The following NAA60 variants were observed in gnomAD, a reference collection of about 807,000 sequenced individuals.
The protein encoded by NAA60 is N-alpha-acetyltransferase 60.
In NAA60, 8 loss-of-function variants were observed where a neutral mutation model predicts 26.1. The ratio of observed to expected loss-of-function variants is 0.31; its 90% confidence interval spans 0.18 to 0.55. The LOEUF is 0.55. Among genes scored for constraint, NAA60 ranks in the 20% least tolerant of loss-of-function variants. The pLI is 0.93. For missense variants in NAA60, 290 were observed against 311.3 expected (o/e 0.93, Z 0.51); for synonymous variants, 131 against 122.5 (o/e 1.07, Z -0.46).
intron 2 of NAA60, among the ~76,000 whole-genome samples, chr16:3,470,682 G>A (rs58467053): frequency 0.082 from 12,503 of 152,198 alleles, 1,392 homozygotes; most frequent in African/African-American, 0.25. Context: ...GGGGGGGGCC[G>A]CTGGCCCTGC....
At chr16:3,445,574 C>G (rs925303036) in intron 1 of NAA60, among the ~76,000 whole-genome samples, 1 of 152,016 alleles carries the variant, frequency 6.6e-6, no homozygotes, top group African/African-American at 2.4e-5. Flanking sequence ...CGCGCCCCGC[C>G]TATTTAATGC....
Position 3,483,406 on chromosome 16 carries a change from C to A in NAA60, c.381C>A (p.Thr127=), listed in dbSNP as rs190797427. The A allele has an allele frequency of 1.1e-5, 17 of 1,613,656 alleles. No homozygotes were observed. The highest frequency in any genetic ancestry group is 1.4e-5 in the Non-Finnish European group (16 of 1,179,738). ...GTTTAAAGGATCACATATCAACCAC[C>A]GCCCAGGACCACTGCAAAGCCATTT... The part of the protein sequence containing the change: ...LESLKDHIST[T]AQDHCKAIYL... Residue 127 remains threonine (T), a synonymous_variant, in exon 6 of 8, where the codon ACC becomes ACA. Transcript: ENST00000407558.
chr16:3,483,293 C>T, intron 5 of NAA60, 70 bp from the exon 6 acceptor site: 1 of 1,155,502 alleles, frequency 8.7e-7, no homozygotes, highest in Middle Eastern at 1.9e-4. Flanking sequence ...ATGCAAAGCC[C>T]CCATCCTAGC....
intron 2 of NAA60, among the ~76,000 whole-genome samples, chr16:3,474,518 GA>G (rs1425673183): frequency 1.3e-5 from 2 of 152,244 alleles, no homozygotes; most frequent in Non-Finnish European, 2.9e-5. Flanking sequence ...CCCTTGTCAG[GA>G]AAGGGAAGGT....
chr16:3,478,048 G>C (rs1412542690), intron 3 of NAA60, among the ~76,000 whole-genome samples: 1 of 129,842 alleles, frequency 7.7e-6, no homozygotes, highest in Non-Finnish European at 1.7e-5. Context: ...CTGAGCGACA[G>C]TGAGACTCTG....
intron 1 of NAA60, 118 bp from the exon 2 acceptor site, chr16:3,448,353 G>C: frequency 1.5e-6 from 1 of 665,228 alleles, no homozygotes; most frequent in Non-Finnish European, 2.4e-6. Flanking sequence ...TTCCCCAAAA[G>C]GGCCCATCAG....
intron 2 of NAA60, among the ~76,000 whole-genome samples, chr16:3,462,033 G>C (rs547882128): frequency 3.5e-3 from 487 of 140,974 alleles, no homozygotes; most frequent in African/African-American, 0.012. Context: ...GTTGCAGTAA[G>C]TTGAGATGGT....
At chr16:3,479,380 C>A in intron 3 of NAA60, 91 bp from the exon 4 acceptor site, 1 of 1,428,118 alleles carries the variant, frequency 7.0e-7, no homozygotes, top group Non-Finnish European at 9.6e-7. Context: ...GCAGAAGTGG[C>A]CCAGAGCTCC....
At chr16:3,452,204 C>A (rs1369853702) in intron 2 of NAA60, among the ~76,000 whole-genome samples, 1 of 151,998 alleles carries the variant, frequency 6.6e-6, no homozygotes, top group Non-Finnish European at 1.5e-5. Flanking sequence ...CAGAGTGAGA[C>A]CTTGTCTCAA....
At chr16:3,456,498 G>T (rs1308624323) in intron 2 of NAA60, among the ~76,000 whole-genome samples, 1 of 151,482 alleles carries the variant, frequency 6.6e-6, no homozygotes, top group East Asian at 1.9e-4. Context: ...CTCAATTTTT[G>T]AAAGAATAAT....
chr16:3,457,592 C>G (rs550100486), intron 2 of NAA60, among the ~76,000 whole-genome samples: 1 of 152,378 alleles, frequency 6.6e-6, no homozygotes, highest in South Asian at 2.1e-4. Flanking sequence ...CGGGGTGGTG[C>G]TGCCAGCTGG....
chr16:3,449,377 G>A (rs530500093), intron 2 of NAA60, among the ~76,000 whole-genome samples: 1 of 152,170 alleles, frequency 6.6e-6, no homozygotes, highest in South Asian at 2.1e-4. Context: ...AATTAGCTGG[G>A]CGTGGTGGTG....
chr16:3,446,335 T>C (rs2034551024), intron 1 of NAA60, among the ~76,000 whole-genome samples: 1 of 151,918 alleles, frequency 6.6e-6, no homozygotes, highest in South Asian at 2.1e-4. Context: ...ATCGAGACCA[T>C]CCTGGCTAAC....
intron 2 of NAA60, chr16:3,457,966 C>T: frequency 1.0e-6 from 1 of 984,940 alleles, no homozygotes. Context: ...GGGGGCGGGG[C>T]CACGTGGGGG....
At chr16:3,447,179 A>T (rs893521867) in intron 1 of NAA60, among the ~76,000 whole-genome samples, 1 of 152,108 alleles carries the variant, frequency 6.6e-6, no homozygotes, top group Non-Finnish European at 1.5e-5. Flanking sequence ...AGTGATTTTT[A>T]TGATGATGCA....
intron 3 of NAA60, among the ~76,000 whole-genome samples, chr16:3,478,782 T>G (rs935745265): frequency 5.3e-5 from 8 of 152,130 alleles, no homozygotes; most frequent in African/African-American, 1.9e-4. Flanking sequence ...ACTCCCCTAG[T>G]CTTCAGTGTC....
chr16:3,469,335 G>A (rs1194308799), intron 2 of NAA60, among the ~76,000 whole-genome samples: 1 of 141,262 alleles, frequency 7.1e-6, no homozygotes, highest in Non-Finnish European at 1.5e-5. Context: ...TCCCAGCACT[G>A]CCCTGGTACC....
chr16:3,446,898 A>G (rs930046467), intron 1 of NAA60, among the ~76,000 whole-genome samples: 4 of 150,888 alleles, frequency 2.7e-5, no homozygotes, highest in African/African-American at 9.8e-5. Context: ...GGTATGAGCC[A>G]CCGCACCTGG....
intron 6 of NAA60, 171 bp downstream of exon 6, chr16:3,483,768 G>T (rs1002198489): frequency 3.2e-6 from 2 of 615,838 alleles, no homozygotes; most frequent in Middle Eastern, 4.2e-4. Context: ...CACACATTTG[G>T]GTAAATCGAG....
Sources: gnomAD v4.1 joint callset for allele counts (sites outside exome capture counted in the v4.1 genomes callset) on GRCh38, gnomAD v4.1.1 for gene constraint, MANE v1.5 for transcripts, NCBI Gene and HGNC (gene_info 2026-07-23, HGNC 2026-07-21) for gene names.